MORC1: variants seen among roughly 807,000 people sequenced by gnomAD.
MORC1 encodes the protein MORC family CW-type zinc finger protein 1.
A neutral mutation model predicts 134.9 loss-of-function variants in MORC1; 59 were observed. The ratio of observed to expected loss-of-function variants is 0.44; its 90% CI spans 0.35 to 0.54. The LOEUF is 0.54. Ranked by LOEUF, MORC1 falls within the 20% of genes least tolerant of loss-of-function variation. The pLI is 0.00. For missense variants in MORC1, 947 were observed against 1,134.5 expected (o/e 0.83, Z 2.37); for synonymous variants, 395 against 391.7 (o/e 1.01, Z -0.10).
intron 21 of MORC1, among the ~76,000 whole-genome samples, chr3:108,992,982 T>C (rs979854220): frequency 6.6e-6 from 1 of 152,234 alleles, no homozygotes; most frequent in Non-Finnish European, 1.5e-5. Flanking sequence ...ATCATGAATA[T>C]AATTCTCATA....
rs1304415471 is a variant in MORC1 at position 108,987,743 on chromosome 3, C to T, written c.2188-794G>A. Among the ~76,000 whole-genome samples, 3 of 151,904 alleles carry T rather than the reference C, an allele frequency of 2.0e-5. No homozygotes were observed. In the East Asian group the frequency reaches 5.8e-4, roughly 29 times the overall value. On this transcript the variant is annotated intron_variant, in intron 21 of 27. Transcript: ENST00000232603. Reference sequence around the variant, plus strand: ...TTTTACAAGGCTCACATAAAGCTGACTTACACTTTGGGAATATACCTTAGA... The same window carrying T: ...TTTTACAAGGCTCACATAAAGCTGATTTACACTTTGGGAATATACCTTAGA...
At position 108,971,438 on chromosome 3, in the gene MORC1, T is replaced by G. The variant is rs771388810; in HGVS notation, c.2478-36A>C. The G allele has an allele frequency of 2.6e-5, 41 of 1,567,822 alleles. No homozygotes were observed. The East Asian group carries it at 8.7e-4, about 33-fold the overall frequency. On this transcript the variant is annotated intron_variant, in intron 24 of 27. Transcript: ENST00000232603. ...AAGCACAGCAGATATGGGAATATACTAGGATAACAGAGGTAGCACTCAACT... is the reference window on the plus strand; with the variant it reads ...AAGCACAGCAGATATGGGAATATACGAGGATAACAGAGGTAGCACTCAACT...
At chr3:109,003,536 T>G (rs1948461668) in intron 20 of MORC1, among the ~76,000 whole-genome samples, 1 of 152,088 alleles carries the variant, frequency 6.6e-6, no homozygotes, top group African/African-American at 2.4e-5. Context: ...GCATGCAACA[T>G]ATCTATACAA....
chr3:109,105,677 T>C (rs1951018616), intron 3 of MORC1, among the ~76,000 whole-genome samples: 1 of 68,260 alleles, frequency 1.5e-5, no homozygotes, highest in African/African-American at 4.7e-5. Context: ...AGACCCTGTC[T>C]CAAAAAAAAA....
chr3:109,049,454 G>A (rs548016696), intron 14 of MORC1, among the ~76,000 whole-genome samples: 1 of 152,056 alleles, frequency 6.6e-6, no homozygotes. Flanking sequence ...TATGCAACAG[G>A]GTTTACATGA....
In MORC1 at chr3:109,069,742, C is replaced by A; in HGVS notation, c.705G>T (p.Trp235Cys). The A allele has an allele frequency of 6.2e-7, 1 of 1,607,954 alleles. No individual in the cohort carries two copies. Among genetic ancestry groups the A allele is most frequent in the Non-Finnish European group, 8.5e-7 (1 of 1,176,126 alleles). The change falls in exon 9 of 28, where the codon TGG becomes TGT. Residue 235 changes from tryptophan (W) to cysteine (C), a missense_variant. Transcript: ENST00000232603. ...AGALEDFPAR[W>C]SFRAYTSVLY... ...GAACAGATGTGTAGGCTCTGAATGA[C>A]CACCTCGCTGGGAAACTGAAATAGA...
intron 17 of MORC1, among the ~76,000 whole-genome samples, chr3:109,009,197 G>GTTTTTTTTTT (rs201228015): frequency 7.5e-6 from 1 of 133,810 alleles, no homozygotes; most frequent in Non-Finnish European, 1.6e-5. Flanking sequence ...CTATTTTTAC[G>GTTTTTTTTTT]TTTTTTGTTG....
intron 26 of MORC1, among the ~76,000 whole-genome samples, chr3:108,968,418 C>T (rs1470636617): frequency 3.3e-5 from 5 of 152,292 alleles, no homozygotes; most frequent in Middle Eastern, 3.4e-3. Context: ...CTGTGTGATA[C>T]AGTCTTTGTA....
chr3:109,055,267 A>G (rs1304734197), intron 13 of MORC1, among the ~76,000 whole-genome samples: 3 of 152,154 alleles, frequency 2.0e-5, no homozygotes, highest in African/African-American at 4.8e-5. Context: ...CTTTCTCCGC[A>G]TTTCATCTAA....
chr3:109,028,160 T>C (rs1949133659), intron 16 of MORC1, among the ~76,000 whole-genome samples: 1 of 152,206 alleles, frequency 6.6e-6, no homozygotes, highest in African/African-American at 2.4e-5. Flanking sequence ...GCTTCACTTA[T>C]TCTACATTAT....
intron 21 of MORC1, among the ~76,000 whole-genome samples, chr3:108,996,286 G>GTGCGCGCACA (rs1553745317): frequency 6.8e-6 from 1 of 146,382 alleles, no homozygotes; most frequent in African/African-American, 2.6e-5. Context: ...GCGCGCGCGC[G>GTGCGCGCACA]CACACACACA....
intron 9 of MORC1, among the ~76,000 whole-genome samples, chr3:109,065,192 A>G (rs1950169520): frequency 6.6e-6 from 1 of 152,176 alleles, no homozygotes; most frequent in African/African-American, 2.4e-5. Context: ...AACAGCTAGA[A>G]TAATCTTTTA....
intron 23 of MORC1, among the ~76,000 whole-genome samples, chr3:108,979,957 TGAAA>T (rs1267916452): frequency 1.3e-5 from 2 of 152,166 alleles, no homozygotes; most frequent in African/African-American, 4.8e-5. Flanking sequence ...TTTCACTTGA[TGAAA>T]GAGACTTTTT....
At chr3:109,032,354 T>C (rs1949259789) in intron 16 of MORC1, among the ~76,000 whole-genome samples, 1 of 152,138 alleles carries the variant, frequency 6.6e-6, no homozygotes, top group African/African-American at 2.4e-5. Flanking sequence ...AAGCATACGG[T>C]CTAACAGTTT....
chr3:108,969,612 T>C (rs1411804614), intron 26 of MORC1, 57 bp downstream of exon 26: 3 of 1,499,662 alleles, frequency 2.0e-6, no homozygotes, highest in African/African-American at 2.8e-5. Context: ...ACATTATTTA[T>C]CCTTTCGAAC....
At chr3:109,072,088 A>G (rs1950331957) in intron 8 of MORC1, among the ~76,000 whole-genome samples, 1 of 152,182 alleles carries the variant, frequency 6.6e-6, no homozygotes. Flanking sequence ...AAAAGAAGGC[A>G]AAGAGGGCTA....
chr3:108,960,221 C>A (rs182812039), intron 27 of MORC1, among the ~76,000 whole-genome samples: 1 of 152,316 alleles, frequency 6.6e-6, no homozygotes, highest in East Asian at 1.9e-4. Context: ...CAGAAACAAT[C>A]GCCAACACCA....
intron 16 of MORC1, among the ~76,000 whole-genome samples, chr3:109,028,472 T>C (rs1445894994): frequency 6.6e-6 from 1 of 152,216 alleles, no homozygotes; most frequent in African/African-American, 2.4e-5. Flanking sequence ...AGTGCTCTGC[T>C]GTCGTAAGAG....
At chr3:109,019,280 T>C (rs1948900326) in intron 17 of MORC1, among the ~76,000 whole-genome samples, 1 of 151,878 alleles carries the variant, frequency 6.6e-6, no homozygotes, top group Non-Finnish European at 1.5e-5. Flanking sequence ...TGCATCTCCT[T>C]CTTCAAAGAG....
Sources: allele counts gnomAD v4.1 joint callset (sites outside exome capture counted in the v4.1 genomes callset), GRCh38; gene constraint gnomAD v4.1.1; transcripts MANE v1.5; gene names NCBI Gene and HGNC (gene_info 2026-07-23, HGNC 2026-07-21).